The following GAL3ST4 variants were observed in gnomAD, a reference collection of about 807,000 sequenced individuals.
The protein encoded by GAL3ST4 is galactose-3-O-sulfotransferase 4, also known as beta-galactose-3-O-sulfotransferase 4.
A neutral mutation model predicts 31.6 loss-of-function variants in GAL3ST4; 30 were observed. The ratio of observed to expected loss-of-function variants is 0.95; its 90% CI spans 0.71 to 1.29. The LOEUF is 1.29. GAL3ST4 is among the 50% of genes most tolerant of loss of function. The pLI is 0.00. For synonymous variants in GAL3ST4, 248 were observed against 256.9 expected (o/e 0.97, Z 0.33); for missense variants, 629 against 625.2 (o/e 1.01, Z -0.06).
chr7:100,163,477 T>C (rs919275128), intron 3 of GAL3ST4, among the ~76,000 whole-genome samples: 7 of 88,028 alleles, frequency 8.0e-5, no homozygotes, highest in East Asian at 2.4e-4. Flanking sequence ...TGAACTCTCT[T>C]TTTTTTTTTT....
chr7:100,161,060 C>T lies in GAL3ST4; in HGVS notation c.430-101G>A, dbSNP rs867948394. On this transcript the variant is annotated intron_variant, in intron 3 of 3. Transcript: ENST00000360039. ...TCCGCTGACCAGCCTCCTGAAACCT[C>T]CTCCTCCCAGCTCTGCTAGGAATCC... The T allele has an allele frequency of 2.0e-5, 20 of 1,004,720 alleles. No individual in the cohort carries two copies. In the African/African-American group the frequency reaches 2.9e-4, roughly 15 times the overall value. The allele number at this position is 1,004,720 out of a possible 1,614,324, so 62.2% of individuals were successfully genotyped here.
At position 100,167,283 on chromosome 7, in the gene GAL3ST4, T is replaced by C; in HGVS notation, c.-188A>G. ...TAGCAGATTTTTGCCTCTGTCAGCG[T>C]CTAGAAGGGAAATGAGGGGGGAAGA... is the stretch of plus-strand genomic sequence containing the variant. On this transcript the variant is annotated splice_region_variant and 5_prime_UTR_variant, in exon 2 of 4. Coordinates refer to ENST00000360039, the MANE Select transcript of GAL3ST4 (RefSeq NM_024637.5). 7.1e-7 allele frequency: 1 copy of C among 1,399,510 alleles called. No homozygotes were observed. The highest frequency in any genetic ancestry group is 1.5e-5 in the South Asian group (1 of 68,130). 86.7% of individuals were successfully genotyped at this position (1,399,510 alleles called of 1,614,324 possible).
chr7:100,164,787 A>G (rs570767485), intron 3 of GAL3ST4, among the ~76,000 whole-genome samples: 229 of 152,326 alleles, frequency 1.5e-3, no homozygotes, highest in African/African-American at 5.1e-3. Context: ...AAGCCTCGGA[A>G]GAAGCCTCGA....
chr7:100,168,005 G>GAGAGACACAC lies in GAL3ST4; in HGVS notation c.-189+540_-189+541insGTGTGTCTCT, dbSNP rs371744826. 5.5e-5 allele frequency: 8 copies of GAGAGACACAC among 145,722 alleles called. No homozygotes were observed. Among genetic ancestry groups the GAGAGACACAC allele is most frequent in the South Asian group, 2.2e-4 (1 of 4,558 alleles). The allele number at this position is 145,722 out of a possible 1,614,324, so 9.0% of individuals were successfully genotyped here. A position where few individuals can be genotyped will look rare whatever the true frequency, so the allele number is the denominator to read the frequency against. Reference sequence around the variant, plus strand: ...GGAGAGGGAGACAGAAAGAGAGAGAGACACACACACACACACACACACACA... The same window carrying GAGAGACACAC: ...GGAGAGGGAGACAGAAAGAGAGAGAGAGAGACACACACACACACACACACACACACACACA... On this transcript the variant is annotated intron_variant, in intron 1 of 3. Coordinates refer to ENST00000360039, the MANE Select transcript of GAL3ST4 (RefSeq NM_024637.5). The surrounding 1 kb of genome is among the most constrained non-coding windows in gnomAD (Gnocchi z 4.1).
At chr7:100,162,894 G>T (rs1293538109) in intron 3 of GAL3ST4, among the ~76,000 whole-genome samples, 1 of 150,758 alleles carries the variant, frequency 6.6e-6, no homozygotes, top group Non-Finnish European at 1.5e-5. Context: ...AAAAGAAAAA[G>T]AAAAAAAAAG....
intron 3 of GAL3ST4, among the ~76,000 whole-genome samples, chr7:100,161,431 T>G (rs2116969732): frequency 6.6e-6 from 1 of 152,054 alleles, no homozygotes; most frequent in East Asian, 1.9e-4. Flanking sequence ...GGCGGATTAC[T>G]TGAGGTCAGG....
Position 100,166,759 on chromosome 7 carries a change from G to T in GAL3ST4, c.172C>A (p.Pro58Thr). 1.9e-6 allele frequency: 3 copies of T among 1,613,386 alleles called. No homozygotes were observed. Among genetic ancestry groups the T allele is most frequent in the Non-Finnish European group, 2.5e-6 (3 of 1,179,726 alleles). Residue 58 changes from proline to threonine, a missense_variant, in exon 3 of 4, where the codon CCA becomes ACA. Physicochemically the swap from Pro to Thr is conservative, Grantham distance 38. Transcript: ENST00000360039. ...CGGGGTGGGCAGGACGGAAGGGCTG[G>T]TCGTAGGGATGGGGCCGAGGGCTGT... Reference protein sequence around the residue: ...LRQPSAPSLRPALPSCPPRQR... With the variant: ...LRQPSAPSLRTALPSCPPRQR...
At position 100,167,146 on chromosome 7, in the gene GAL3ST4, GA is replaced by G; in HGVS notation, c.-52del. On this transcript the variant is annotated 5_prime_UTR_variant, in exon 2 of 4. Coordinates refer to ENST00000360039, the MANE Select transcript of GAL3ST4 (RefSeq NM_024637.5). Reference sequence around the variant, plus strand: ...AGAGAGATGGAGCCAGGGCCAGGAAGAGGGGCAGAGACAGCTGGAGACAGCC... The same window carrying G: ...AGAGAGATGGAGCCAGGGCCAGGAAGGGGGCAGAGACAGCTGGAGACAGCC... 6.4e-7 allele frequency: 1 copy of G among 1,551,768 alleles called. No individual in the cohort carries two copies. Among genetic ancestry groups the G allele is most frequent in the Non-Finnish European group, 8.7e-7 (1 of 1,147,052 alleles).
Position 100,166,706 on chromosome 7 carries a change from A to G in GAL3ST4, c.225T>C (p.His75=). ...TCAGCACAGAGCTGCTCCCGGATTT[A>G]TGTGTCTTCAGGAACACCAGTCGCT... ...PRQRLVFLKT[H]KSGSSSVLSL... Residue 75 remains histidine, a synonymous_variant, in exon 3 of 4, where the codon CAT becomes CAC. Transcript: ENST00000360039. 1 of 1,614,142 alleles carries G rather than the reference A, an allele frequency of 6.2e-7. No individual in the cohort carries two copies. The highest frequency in any genetic ancestry group is 8.5e-7 in the Non-Finnish European group (1 of 1,180,014).
rs761556100 is a variant in GAL3ST4 at position 100,160,833 on chromosome 7, C to A, written c.556G>T (p.Ala186Ser). The change falls in exon 4 of 4, where the codon GCT (alanine) becomes TCT (serine). Residue 186 changes from alanine to serine, a missense_variant. Ala to Ser is a moderately conservative substitution (Grantham distance 99, BLOSUM62 1). Transcript: ENST00000360039. ...SSAFRKSPSL[A>S]AFLANPRGFY... ...CCTCGAGGATTGGCCAGGAAGGCAG[C>A]CAAAGATGGTGACTTGCGGAAGGCT... 1.2e-6 allele frequency: 2 copies of A among 1,614,128 alleles called. No homozygotes were observed. Among genetic ancestry groups the A allele is most frequent in the Non-Finnish European group, 1.7e-6 (2 of 1,180,028 alleles).
chr7:100,161,515 A>G (rs1799003114), intron 3 of GAL3ST4, among the ~76,000 whole-genome samples: 2 of 151,234 alleles, frequency 1.3e-5, no homozygotes, highest in Admixed American at 1.3e-4. Context: ...GCCAGGTGTG[A>G]TGGCACACGC....
In GAL3ST4 at chr7:100,159,994, C is replaced by T. The variant is rs767910645; in HGVS notation, c.1395G>A (p.Leu465=). 1 of 1,613,930 alleles carries T rather than the reference C, an allele frequency of 6.2e-7. No homozygotes were observed. The highest frequency in any genetic ancestry group is 8.5e-7 in the Non-Finnish European group (1 of 1,179,932). ...ATPELQYKDK[L]DAKQFPPTVS... is the part of the protein sequence containing the mutation. ...CGGTAGGGGGGAACTGCTTGGCATC[C>T]AGCTTGTCCTTGTACTGGAGCTCAG... is the stretch of plus-strand genomic sequence containing the variant. Residue 465 remains leucine, a synonymous_variant, in exon 4 of 4, where the codon CTG becomes CTA. Transcript: ENST00000360039.
chr7:100,167,053 G>T lies in GAL3ST4; in HGVS notation c.43C>A (p.Pro15Thr), dbSNP rs1040836122. 25 of 1,560,584 alleles carry T rather than the reference G, an allele frequency of 1.6e-5. No individual in the cohort carries two copies. The highest frequency in any genetic ancestry group is 2.2e-5 in the Non-Finnish European group (25 of 1,151,752). Residue 15 changes from proline to threonine, a missense_variant, in exon 2 of 4, where the codon CCT (proline) becomes ACT (threonine). Transcript: ENST00000360039. ...SPARTLRLWGPRSLGVALGVF... is the reference protein window; with the variant it reads ...SPARTLRLWGTRSLGVALGVF... ...CCCAGAGCCACCCCCAGGCTCCGAG[G>T]TCCCCAGAGCCGCAGCGTCCTGGCA...
intron 3 of GAL3ST4, among the ~76,000 whole-genome samples, chr7:100,164,892 TGA>T (rs1343238763): frequency 1.3e-5 from 2 of 149,798 alleles, no homozygotes; most frequent in East Asian, 3.9e-4. Flanking sequence ...TTTTTTTTTT[TGA>T]GACAGAGTCT....
At chr7:100,163,797 A>G (rs1799036923) in intron 3 of GAL3ST4, among the ~76,000 whole-genome samples, 1 of 152,036 alleles carries the variant, frequency 6.6e-6, no homozygotes, top group Admixed American at 6.6e-5. Context: ...AGCATCCAAA[A>G]CACTCGGATC....
In GAL3ST4 at chr7:100,164,961, G is replaced by A. The variant is rs542997209; in HGVS notation, c.429+1541C>T. On this transcript the variant is annotated intron_variant, in intron 3 of 3. Coordinates refer to ENST00000360039, the MANE Select transcript of GAL3ST4 (RefSeq NM_024637.5). ...ACGATCTCAGCTCACTGCAAGCTCC[G>A]CCTCCCAGGTTCATGCCATTTTCCT... Among the ~76,000 whole-genome samples the A allele has an allele frequency of 2.6e-3, 387 of 148,034 alleles. 3 individuals carry two copies. The highest frequency in any genetic ancestry group is 9.1e-3 in the African/African-American group (365 of 40,068).
chr7:100,166,865 G>T, intron 2 of GAL3ST4, 60 bp from the exon 3 acceptor site: 1 of 1,547,072 alleles, frequency 6.5e-7, no homozygotes, highest in South Asian at 1.2e-5. Context: ...AGAAGGGACA[G>T]AGGGCATGGA....
In GAL3ST4 at chr7:100,160,905, C is replaced by T. The variant is rs773076380; in HGVS notation, c.484G>A (p.Ala162Thr). 6.2e-7 allele frequency: 1 copy of T among 1,613,750 alleles called. No homozygotes were observed. The highest frequency in any genetic ancestry group is 8.5e-7 in the Non-Finnish European group (1 of 1,179,850). ...SFFFSIVRDP[A>T]ALARSAFSYY... ...GAGAAGGCAGAGCGAGCCAGAGCCG[C>T]TGGGTCTCGGACAATGGAAAAAAAG... Residue 162 changes from alanine (A) to threonine (T), a missense_variant, in exon 4 of 4, where the codon GCG becomes ACG. Transcript: ENST00000360039.
At position 100,160,410 on chromosome 7, in the gene GAL3ST4, C is replaced by T. The variant is rs757897746; in HGVS notation, c.979G>A (p.Gly327Ser). Residue 327 changes from glycine to serine, a missense_variant, in exon 4 of 4, where the codon GGC becomes AGC. Gly to Ser is a moderately conservative substitution (Grantham distance 56). Transcript: ENST00000360039. ...ALCWGLDDVV[G>S]FMHNAQAGHK... ...CCAGCCTGGGCATTGTGCATGAAGC[C>T]CACCACGTCATCTAGACCCCAGCAC... The T allele has an allele frequency of 3.8e-5, 62 of 1,613,940 alleles. No individual in the cohort carries two copies. The highest frequency in any genetic ancestry group is 4.8e-5 in the Non-Finnish European group (57 of 1,180,044).
Sources: gnomAD v4.1 joint callset for allele counts (sites outside exome capture counted in the v4.1 genomes callset) on GRCh38, gnomAD v4.1.1 for gene constraint, Gnocchi (gnomAD v3.1) non-coding constraint, MANE v1.5 for transcripts, NCBI Gene and HGNC (gene_info 2026-07-23, HGNC 2026-07-21) for gene names.